RGL1: variants seen among roughly 807,000 people sequenced by gnomAD.
RGL1 encodes the protein ral guanine nucleotide dissociation stimulator like 1.
RGL1 carries 24 observed loss-of-function variants against 95.2 expected under a neutral mutation model. The observed-to-expected ratio is 0.25, with a 90% CI of 0.18 to 0.35. The LOEUF (loss-of-function observed/expected upper bound fraction) is 0.35, where lower values mean the gene tolerates loss of function less well. RGL1 is among the 10% of genes least tolerant of loss of function. The pLI is 1.00. For missense variants in RGL1, 715 were observed against 936.3 expected (o/e 0.76, Z 3.08); for synonymous variants, 329 against 344.9 (o/e 0.95, Z 0.51).
chr1:183,713,290 A>G (rs2102181074), intron 1 of RGL1, among the ~76,000 whole-genome samples: 1 of 147,824 alleles, frequency 6.8e-6, no homozygotes, highest in South Asian at 2.2e-4. Flanking sequence ...AAGTGCTGGG[A>G]TTACAGGCAT....
At chr1:183,918,967 C>G (rs1572605075) in intron 16 of RGL1, among the ~76,000 whole-genome samples, 1 of 152,190 alleles carries the variant, frequency 6.6e-6, no homozygotes, top group Non-Finnish European at 1.5e-5. Flanking sequence ...AGTCCAGGTT[C>G]AGGCGAGACT....
chr1:183,823,840 A>C (rs1449083830), intron 2 of RGL1, among the ~76,000 whole-genome samples: 2 of 152,154 alleles, frequency 1.3e-5, no homozygotes, highest in Non-Finnish European at 1.5e-5. Context: ...CACAAGCTGG[A>C]GTGCAGTATG....
At chr1:183,766,702 TA>T (rs934171061) in intron 2 of RGL1, among the ~76,000 whole-genome samples, 1 of 152,138 alleles carries the variant, frequency 6.6e-6, no homozygotes, top group Non-Finnish European at 1.5e-5. Context: ...TATAGATCAT[TA>T]AAGGAAAGCA....
intron 2 of RGL1, among the ~76,000 whole-genome samples, chr1:183,745,230 G>C (rs1481666986): frequency 6.6e-6 from 1 of 151,956 alleles, no homozygotes; most frequent in East Asian, 1.9e-4. Context: ...GTCTTTCCTT[G>C]TTGATTTCTG....
intron 15 of RGL1, among the ~76,000 whole-genome samples, chr1:183,915,696 G>C (rs1435713494): frequency 6.6e-6 from 1 of 152,232 alleles, no homozygotes; most frequent in African/African-American, 2.4e-5. Context: ...AAGATAATAT[G>C]AAAGTTCATG....
At chr1:183,653,707 C>G (rs1650938204) in intron 1 of RGL1, among the ~76,000 whole-genome samples, 1 of 152,184 alleles carries the variant, frequency 6.6e-6, no homozygotes, top group African/African-American at 2.4e-5. Context: ...CTGTCTAAAC[C>G]TAGGCTATGT....
chr1:183,753,155 G>C (rs910883835), intron 2 of RGL1, among the ~76,000 whole-genome samples: 1 of 152,010 alleles, frequency 6.6e-6, no homozygotes, highest in Non-Finnish European at 1.5e-5. Flanking sequence ...CTCTCTTTTA[G>C]AGTTACTATC....
intron 1 of RGL1, among the ~76,000 whole-genome samples, chr1:183,643,583 G>A (rs983350975): frequency 1.3e-5 from 2 of 151,996 alleles, no homozygotes; most frequent in African/African-American, 2.4e-5. Flanking sequence ...GAGCCACCGC[G>A]CCCGGCCCGA....
intron 1 of RGL1, among the ~76,000 whole-genome samples, chr1:183,649,563 C>G (rs1231154408): frequency 6.6e-6 from 1 of 152,050 alleles, no homozygotes; most frequent in African/African-American, 2.4e-5. Flanking sequence ...TAGGAAAGTG[C>G]CACTTGAGTA....
At chr1:183,883,257 C>T (rs1448123241) in intron 5 of RGL1, among the ~76,000 whole-genome samples, 2 of 152,178 alleles carry the variant, frequency 1.3e-5, no homozygotes, top group Non-Finnish European at 2.9e-5. Context: ...GCATTCTTAG[C>T]TTTGGGTGGA....
intron 2 of RGL1, among the ~76,000 whole-genome samples, chr1:183,834,083 G>A (rs895801603): frequency 1.3e-5 from 2 of 151,308 alleles, no homozygotes; most frequent in Non-Finnish European, 1.5e-5. Context: ...TAAAAGCCTC[G>A]TGAATTTACT....
chr1:183,687,315 G>A (rs1050836032), intron 1 of RGL1, among the ~76,000 whole-genome samples: 27 of 152,298 alleles, frequency 1.8e-4, no homozygotes, highest in Middle Eastern at 3.4e-3. Flanking sequence ...GGTAGGTTTC[G>A]TGTTGAACCT....
chr1:183,891,666 G>A (rs559642610), intron 8 of RGL1, among the ~76,000 whole-genome samples: 21 of 150,850 alleles, frequency 1.4e-4, no homozygotes, highest in East Asian at 3.9e-4. Flanking sequence ...TTCTGGCATC[G>A]TCATCTCTAA....
chr1:183,832,832 A>G (rs1446093830), intron 2 of RGL1, among the ~76,000 whole-genome samples: 1 of 152,154 alleles, frequency 6.6e-6, no homozygotes, highest in African/African-American at 2.4e-5. Flanking sequence ...TGTTGTTGTT[A>G]TTGTTATTCT....
chr1:183,685,904 CCATT>C (rs1469672966), intron 1 of RGL1, among the ~76,000 whole-genome samples: 1 of 152,140 alleles, frequency 6.6e-6, no homozygotes, highest in Non-Finnish European at 1.5e-5. Context: ...ATACGTGGGA[CCATT>C]GTAGTTTCTA....
intron 2 of RGL1, among the ~76,000 whole-genome samples, chr1:183,746,470 ATAGTAGTACTTCAT>A (rs1255752665): frequency 1.3e-5 from 2 of 152,138 alleles, no homozygotes; most frequent in African/African-American, 4.8e-5. Flanking sequence ...AAAAATATAT[ATAGTAGTACTTCAT>A]TAATTTTCAC....
At chr1:183,897,416 G>A (rs2102686847) in intron 9 of RGL1, among the ~76,000 whole-genome samples, 1 of 152,240 alleles carries the variant, frequency 6.6e-6, no homozygotes, top group East Asian at 1.9e-4. Context: ...CCAGGTGGTG[G>A]CGCATTCCTC....
chr1:183,695,864 G>A (rs1572287727), intron 1 of RGL1, among the ~76,000 whole-genome samples: 2 of 151,458 alleles, frequency 1.3e-5, no homozygotes, highest in Admixed American at 1.3e-4. Flanking sequence ...TTAAAGTTTT[G>A]TTCGGTTGTC....
At chr1:183,654,794 G>A (rs564021528) in intron 1 of RGL1, among the ~76,000 whole-genome samples, 1 of 152,308 alleles carries the variant, frequency 6.6e-6, no homozygotes, top group South Asian at 2.1e-4. Flanking sequence ...GCATTTTAGG[G>A]TGATTTTAGG....
Sources: gnomAD v4.1 joint callset for allele counts (sites outside exome capture counted in the v4.1 genomes callset) on GRCh38, gnomAD v4.1.1 for gene constraint, MANE v1.5 for transcripts, NCBI Gene and HGNC (gene_info 2026-07-23, HGNC 2026-07-21) for gene names.